Variants in PLXDC1 observed in about 807,000 individuals in gnomAD.
PLXDC1 encodes plexin domain containing 1.
A neutral mutation model predicts 61.3 loss-of-function variants in PLXDC1; 39 were observed. The observed-to-expected ratio is 0.64, with a 90% CI of 0.49 to 0.83. The LOEUF is 0.83. Ranked by LOEUF, PLXDC1 falls within the 40% of genes least tolerant of loss-of-function variation. The pLI is 0.00. For missense variants in PLXDC1, 596 were observed against 666.5 expected (o/e 0.89, Z 1.17); for synonymous variants, 212 against 254.5 (o/e 0.83, Z 1.59).
chr17:39,149,921 C>T (rs910235925), intron 1 of PLXDC1, among the ~76,000 whole-genome samples: 3 of 152,086 alleles, frequency 2.0e-5, no homozygotes, highest in Admixed American at 2.0e-4. Context: ...CTCCTGTTTA[C>T]CTTGATTTTT....
rs1908838288 is a variant in PLXDC1, at chr17:39,064,930, T to A, written c.*2910A>T. ...GCAGAGCATTTACCACCTGTGTGTG[T>A]CTCAAATGGCCAGTGGGGCAGTTCC... On this transcript the variant is annotated 3_prime_UTR_variant, in exon 14 of 14. Coordinates refer to ENST00000315392, the MANE Select transcript of PLXDC1 (RefSeq NM_020405.5). 3.3e-5 allele frequency: 5 copies of A among 152,216 alleles called. No homozygotes were observed. Among genetic ancestry groups the A allele is most frequent in the Admixed American group, 2.6e-4 (4 of 15,282 alleles). 9.4% of individuals were successfully genotyped at this position (152,216 alleles called of 1,614,324 possible). A position where few individuals can be genotyped will look rare whatever the true frequency, so the allele number is the denominator to read the frequency against.
chr17:39,096,205 C>T (rs972510728), intron 7 of PLXDC1, among the ~76,000 whole-genome samples: 3 of 152,150 alleles, frequency 2.0e-5, no homozygotes, highest in Non-Finnish European at 2.9e-5. Context: ...TCAATAATCA[C>T]GAGTGGAGCC....
chr17:39,094,471 A>C (rs1910069307), intron 7 of PLXDC1, among the ~76,000 whole-genome samples: 3 of 145,672 alleles, frequency 2.1e-5, no homozygotes, highest in African/African-American at 5.1e-5. Context: ...GACTTCCCCC[A>C]CTCTCAGGCA....
intron 2 of PLXDC1, chr17:39,131,772 C>T (rs776201010): frequency 1.3e-5 from 2 of 152,794 alleles, no homozygotes; most frequent in Non-Finnish European, 2.9e-5. Flanking sequence ...CCCTTGAGCA[C>T]CCTGGTGGGG....
At chr17:39,079,664 C>T (rs778253015) in intron 9 of PLXDC1, 5 of 422,282 alleles carry the variant, frequency 1.2e-5, no homozygotes, top group African/African-American at 4.0e-5. Context: ...CAAGGGTCTC[C>T]GGAGAGGGCA....
chr17:39,140,130 G>A (rs571103803), intron 1 of PLXDC1, among the ~76,000 whole-genome samples: 1 of 152,170 alleles, frequency 6.6e-6, no homozygotes, highest in Non-Finnish European at 1.5e-5. Flanking sequence ...CACGCAGTGG[G>A]TTAGGCATGC....
chr17:39,137,662 T>C (rs1302834918), intron 2 of PLXDC1: 2 of 152,222 alleles, frequency 1.3e-5, no homozygotes, highest in African/African-American at 4.8e-5. Context: ...ACATGCACGT[T>C]CTCAAGGGAA....
Position 39,083,804 on chromosome 17 carries a change from A to G in PLXDC1, c.908-264T>C, listed in dbSNP as rs1005057749. The stretch of plus-strand genomic sequence containing the variant: ...CTATAGCCTCGAACTTCTGGGTTCA[A>G]GTGATCCTCCTGCCTCAGCCTCCCC... On this transcript the variant is annotated intron_variant, in intron 8 of 13. Coordinates refer to ENST00000315392, the MANE Select transcript of PLXDC1 (RefSeq NM_020405.5). Among the ~76,000 whole-genome samples the G allele has an allele frequency of 1.1e-4, 17 of 152,162 alleles. No individual in the cohort carries two copies. The East Asian group carries it at 2.9e-3, about 26-fold the overall frequency.
rs368042653 is a variant in PLXDC1, at chr17:39,079,104, C to G, written c.1050G>C (p.Glu350Asp). ...QEWMDYGCAQ[E>D]AEGRMCEDFQ... is the part of the protein sequence containing the mutation. ...TGCAGCAGATACTTATGCTTCTCAC[C>G]TCCTGTGCACAGCCATAGTCCATCC... is the stretch of plus-strand genomic sequence containing the variant. Residue 350 changes from glutamate to aspartate, a missense_variant and splice_region_variant, in exon 10 of 14, where the codon GAG becomes GAC. Physicochemically the swap from Glu to Asp is conservative, Grantham distance 45. Coordinates refer to ENST00000315392, the MANE Select transcript of PLXDC1 (RefSeq NM_020405.5). 1 of 1,613,290 alleles carries G rather than the reference C, an allele frequency of 6.2e-7. No individual in the cohort carries two copies. The highest frequency in any genetic ancestry group is 8.5e-7 in the Non-Finnish European group (1 of 1,179,354).
intron 1 of PLXDC1, among the ~76,000 whole-genome samples, chr17:39,142,528 A>G (rs556941408): frequency 6.9e-4 from 105 of 152,232 alleles, no homozygotes; most frequent in African/African-American, 2.4e-3. Context: ...TGTTAAATGC[A>G]TGCTTTTTTT....
intron 7 of PLXDC1, chr17:39,096,731 A>G: frequency 2.8e-6 from 1 of 359,552 alleles, no homozygotes; most frequent in Non-Finnish European, 5.6e-6. Context: ...AACTGATCCC[A>G]CTAATTCAGA....
intron 9 of PLXDC1, 114 bp downstream of exon 9, chr17:39,083,345 A>G: frequency 1.3e-6 from 1 of 779,526 alleles, no homozygotes; most frequent in Non-Finnish European, 2.3e-6. Context: ...GGTACTGGCC[A>G]GAGATACTCT....
chr17:39,086,432 T>C (rs1909742545), intron 8 of PLXDC1, among the ~76,000 whole-genome samples: 1 of 152,344 alleles, frequency 6.6e-6, no homozygotes, highest in Non-Finnish European at 1.5e-5. Context: ...CTTCTCTTCC[T>C]CTTCCTTCTC....
At chr17:39,131,353 T>TC (rs1322706421) in intron 2 of PLXDC1, among the ~76,000 whole-genome samples, 7 of 132,944 alleles carry the variant, frequency 5.3e-5, no homozygotes, top group Non-Finnish European at 1.1e-4. Flanking sequence ...TCTCTCTTTT[T>TC]CTTTTCTTTT....
At chr17:39,123,333 G>A (rs1045836971) in intron 2 of PLXDC1, among the ~76,000 whole-genome samples, 1 of 152,182 alleles carries the variant, frequency 6.6e-6, no homozygotes, top group Non-Finnish European at 1.5e-5. Context: ...TGGGATTACA[G>A]ATGTGAGCCA....
chr17:39,108,144 T>C lies in PLXDC1; in HGVS notation c.571A>G (p.Thr191Ala). The change falls in exon 5 of 14, where the codon ACA becomes GCA. Residue 191 changes from threonine (T) to alanine (A), a missense_variant. Physicochemically the swap from Thr to Ala is moderately conservative, Grantham distance 58 (BLOSUM62 0). Coordinates refer to ENST00000315392, the MANE Select transcript of PLXDC1 (RefSeq NM_020405.5). Reference sequence around the variant, plus strand: ...TCACCATTGTCAAAGTAAACAACTGTGGAGTTGTCGGAGTAGCCAGGGTTG... The same window carrying C: ...TCACCATTGTCAAAGTAAACAACTGCGGAGTTGTCGGAGTAGCCAGGGTTG... ...NFNPGYSDNS[T>A]VVYFDNGTVF... 6.2e-7 allele frequency: 1 copy of C among 1,614,092 alleles called. No homozygotes were observed.
chr17:39,129,798 A>T (rs1911502486), intron 2 of PLXDC1, among the ~76,000 whole-genome samples: 1 of 152,118 alleles, frequency 6.6e-6, no homozygotes. Context: ...AGAGAAAGAA[A>T]GAAAGAAAGG....
chr17:39,088,045 C>A (rs949540242), intron 7 of PLXDC1, among the ~76,000 whole-genome samples: 25 of 152,196 alleles, frequency 1.6e-4, no homozygotes, highest in African/African-American at 6.0e-4. Flanking sequence ...TCTAGCTCAT[C>A]CTTGCAGATC....
At position 39,067,016 on chromosome 17, in the gene PLXDC1, T is replaced by A. The variant is rs1417985865; in HGVS notation, c.*824A>T. The A allele has an allele frequency of 6.6e-6, 1 of 152,168 alleles. No homozygotes were observed. The highest frequency in any genetic ancestry group is 1.5e-5 in the Non-Finnish European group (1 of 68,070). The allele number at this position is 152,168 out of a possible 1,614,324, so 9.4% of individuals were successfully genotyped here. On this transcript the variant is annotated 3_prime_UTR_variant, in exon 14 of 14. Coordinates refer to ENST00000315392, the MANE Select transcript of PLXDC1 (RefSeq NM_020405.5). ...ATCTGGCTATCTGGCTATCTCCAGG[T>A]AGTGGGTCGGGGAGGCTCTGAGACT...
Sources: gnomAD v4.1 joint callset for allele counts (sites outside exome capture counted in the v4.1 genomes callset) on GRCh38, gnomAD v4.1.1 for gene constraint, MANE v1.5 for transcripts, NCBI Gene and HGNC (gene_info 2026-07-23, HGNC 2026-07-21) for gene names.